AKAP6: variants seen among roughly 807,000 people sequenced by gnomAD.
AKAP6 encodes A-kinase anchoring protein 6.
Under a neutral mutation model 188.5 loss-of-function variants are expected in AKAP6, and 58 were observed. The observed-to-expected ratio is 0.31, with a 90% CI of 0.25 to 0.38. The LOEUF (loss-of-function observed/expected upper bound fraction) is 0.38, where lower values mean the gene tolerates loss of function less well. Ranked by LOEUF, AKAP6 falls within the 10% of genes least tolerant of loss-of-function variation. AKAP6 has a pLI of 1.00. For missense variants in AKAP6, 2,710 were observed against 2,740.0 expected, an observed-to-expected ratio of 0.99 and a Z score of 0.24; for synonymous variants, 989 against 998.6, an observed-to-expected ratio of 0.99 and a Z score of 0.18.
At chr14:32,719,708 G>A (rs1446936777) in intron 9 of AKAP6, among the ~76,000 whole-genome samples, 2 of 152,098 alleles carry the variant, frequency 1.3e-5, no homozygotes, top group Non-Finnish European at 2.9e-5. Context: ...GATACAAAAG[G>A]CACTAATGAA....
chr14:32,808,030 T>C (rs1445208502), intron 12 of AKAP6, among the ~76,000 whole-genome samples: 1 of 152,230 alleles, frequency 6.6e-6, no homozygotes, highest in African/African-American at 2.4e-5. Context: ...CTTTGTCCAA[T>C]GCAGGTTAAA....
chr14:32,667,795 G>A (rs1235121360), intron 7 of AKAP6, among the ~76,000 whole-genome samples: 1 of 152,046 alleles, frequency 6.6e-6, no homozygotes, highest in East Asian at 1.9e-4. Flanking sequence ...TTATTAGTAT[G>A]TAAAGTAATT....
chr14:32,489,331 C>A (rs4981156), intron 2 of AKAP6, among the ~76,000 whole-genome samples: 100,275 of 151,946 alleles, frequency 0.66, 34,698 homozygotes, highest in East Asian at 0.86. Context: ...GCCTCAGCCT[C>A]CCAAGTAGCT....
chr14:32,694,380 AG>A (rs1218610447), intron 8 of AKAP6, among the ~76,000 whole-genome samples: 1 of 146,672 alleles, frequency 6.8e-6, no homozygotes. Flanking sequence ...AACAAAAAAA[AG>A]CGTGGTCCAT....
chr14:32,831,540 C>T lies in AKAP6; in HGVS notation c.*1735C>T, dbSNP rs939706350. On this transcript the variant is annotated 3_prime_UTR_variant, in exon 14 of 14. Coordinates refer to ENST00000280979, the MANE Select transcript of AKAP6 (RefSeq NM_004274.5). The stretch of plus-strand genomic sequence containing the variant: ...TCATTCAACAGATAGTTCAGAAACA[C>T]TTTTTATCTGCAAGGCACTATTCTA... 2 of 152,182 alleles carry T rather than the reference C, an allele frequency of 1.3e-5. No individual in the cohort carries two copies. Among genetic ancestry groups the T allele is most frequent in the Non-Finnish European group, 2.9e-5 (2 of 68,042 alleles). The allele number at this position is 152,182 out of a possible 1,614,324, so 9.4% of individuals were successfully genotyped here.
At chr14:32,570,425 A>G (rs1884426568) in intron 4 of AKAP6, among the ~76,000 whole-genome samples, 1 of 151,946 alleles carries the variant, frequency 6.6e-6, no homozygotes, top group Non-Finnish European at 1.5e-5. Context: ...TACAGGTGTG[A>G]GCCACTGCGC....
At chr14:32,664,156 A>T (rs1888820639) in intron 7 of AKAP6, among the ~76,000 whole-genome samples, 1 of 140,664 alleles carries the variant, frequency 7.1e-6, no homozygotes, top group East Asian at 2.3e-4. Flanking sequence ...ATTGAAGAGG[A>T]AAAAAAATGT....
intron 11 of AKAP6, among the ~76,000 whole-genome samples, chr14:32,757,230 CT>C (rs1476118735): frequency 6.6e-6 from 1 of 152,122 alleles, no homozygotes; most frequent in Non-Finnish European, 1.5e-5. Flanking sequence ...TTCCTTAGCT[CT>C]TGTGAAGGTA....
intron 11 of AKAP6, among the ~76,000 whole-genome samples, chr14:32,751,620 G>A (rs968931196): frequency 2.0e-5 from 3 of 148,696 alleles, no homozygotes; most frequent in East Asian, 2.0e-4. Context: ...GTTTAGTTTC[G>A]TCTTTTTGGA....
At chr14:32,426,797 A>G (rs1205760375) in intron 1 of AKAP6, among the ~76,000 whole-genome samples, 1 of 152,170 alleles carries the variant, frequency 6.6e-6, no homozygotes, top group Non-Finnish European at 1.5e-5. Context: ...AGGCATGATG[A>G]CTATCTGAGT....
At chr14:32,613,668 T>A (rs932977191) in intron 7 of AKAP6, among the ~76,000 whole-genome samples, 2 of 152,200 alleles carry the variant, frequency 1.3e-5, no homozygotes, top group African/African-American at 4.8e-5. Context: ...ACTTGCTTAC[T>A]GTGTTGGAAT....
At chr14:32,343,700 A>G (rs930809687) in intron 1 of AKAP6, among the ~76,000 whole-genome samples, 2 of 129,670 alleles carry the variant, frequency 1.5e-5, no homozygotes, top group Non-Finnish European at 3.1e-5. Context: ...GTGAGCCGAG[A>G]TTGTGCCATG....
chr14:32,741,819 G>GTTTTTT (rs34015837), intron 11 of AKAP6, among the ~76,000 whole-genome samples: 10 of 70,682 alleles, frequency 1.4e-4, no homozygotes, highest in Non-Finnish European at 1.9e-4. Context: ...TAGCCTGTAG[G>GTTTTTT]TTTTTTTTTT....
chr14:32,619,638 T>C (rs1248801156), intron 7 of AKAP6, among the ~76,000 whole-genome samples: 1 of 152,180 alleles, frequency 6.6e-6, no homozygotes, highest in Non-Finnish European at 1.5e-5. Context: ...TTGCTTAGGA[T>C]TGTTTTGGCT....
rs1330573860 is a variant in AKAP6 at position 32,454,662 on chromosome 14, T to C, written c.324+20845T>C. Among the ~76,000 whole-genome samples, 42 of 41,098 alleles carry C rather than the reference T, an allele frequency of 1.0e-3. No individual in the cohort carries two copies. The African/African-American group carries it at 0.013, about 13-fold the overall frequency. 27.0% of individuals were successfully genotyped at this position (41,098 alleles called of 152,430 possible). The stretch of plus-strand genomic sequence containing the variant: ...CTCCCTCCCTCCTTCCCTCTCTCCT[T>C]CCCTCCTTCCCTCCTTCCCTCCTTC... On this transcript the variant is annotated intron_variant, in intron 2 of 13. Transcript: ENST00000280979.
At chr14:32,727,010 T>C (rs1168838831) in intron 9 of AKAP6, among the ~76,000 whole-genome samples, 1 of 152,088 alleles carries the variant, frequency 6.6e-6, no homozygotes, top group Non-Finnish European at 1.5e-5. Flanking sequence ...TAATATAAAC[T>C]CATTAAAGGC....
intron 7 of AKAP6, among the ~76,000 whole-genome samples, chr14:32,602,313 T>G (rs1885959908): frequency 6.6e-6 from 1 of 151,956 alleles, no homozygotes; most frequent in Admixed American, 6.6e-5. Flanking sequence ...CTGGGCAACA[T>G]AGCAAGACCT....
intron 7 of AKAP6, among the ~76,000 whole-genome samples, chr14:32,642,345 A>T (rs1237333303): frequency 6.6e-6 from 1 of 152,188 alleles, no homozygotes; most frequent in African/African-American, 2.4e-5. Context: ...TTGTATTTAC[A>T]CAGTTTTTGT....
intron 5 of AKAP6, among the ~76,000 whole-genome samples, chr14:32,593,067 T>A (rs1234529469): frequency 8.3e-6 from 1 of 119,926 alleles, no homozygotes; most frequent in African/African-American, 3.1e-5. Context: ...CACACAGCTG[T>A]GAGCTCTGTG....
Sources: gnomAD v4.1 joint callset for allele counts (sites outside exome capture counted in the v4.1 genomes callset) on GRCh38, gnomAD v4.1.1 for gene constraint, MANE v1.5 for transcripts, NCBI Gene and HGNC (gene_info 2026-07-23, HGNC 2026-07-21) for gene names.